GRID2: variants seen among roughly 807,000 people sequenced by gnomAD.
The protein encoded by GRID2 is glutamate ionotropic receptor delta type subunit 2.
A neutral mutation model predicts 114.8 loss-of-function variants in GRID2; 33 were observed. The observed-to-expected ratio is 0.29, with a 90% CI of 0.22 to 0.38. The LOEUF (loss-of-function observed/expected upper bound fraction) is 0.38. Among genes scored for constraint, GRID2 ranks in the 10% least tolerant of loss-of-function variants. GRID2 has a pLI of 1.00. For synonymous variants in GRID2, 505 were observed against 449.9 expected (o/e 1.12, Z -1.55); for missense variants, 1,184 against 1,257.7 (o/e 0.94, Z 0.89).
In GRID2 at chr4:92,939,860, A is replaced by C. The variant is rs1270281954; in HGVS notation, c.245-145135A>C. Among the ~76,000 whole-genome samples the C allele has an allele frequency of 6.8e-5, 10 of 147,184 alleles. 1 individual carries two copies. On this transcript the variant is annotated intron_variant, in intron 2 of 15. Coordinates refer to ENST00000282020, the MANE Select transcript of GRID2 (RefSeq NM_001510.4). ...TTTCTTGTTTTTGTCAGGTTTGTCAAAGATCAGATAGTTGTAGATATGCAG... is the reference window on the plus strand; with the variant it reads ...TTTCTTGTTTTTGTCAGGTTTGTCACAGATCAGATAGTTGTAGATATGCAG...
intron 1 of GRID2, among the ~76,000 whole-genome samples, chr4:92,349,974 C>T (rs1212172043): frequency 6.6e-6 from 1 of 151,864 alleles, no homozygotes; most frequent in African/African-American, 2.4e-5. Context: ...AGCATTCTCC[C>T]TCTTTTTTAT....
intron 2 of GRID2, among the ~76,000 whole-genome samples, chr4:92,907,360 G>A (rs1748033665): frequency 6.6e-6 from 1 of 151,982 alleles, no homozygotes; most frequent in Non-Finnish European, 1.5e-5. Flanking sequence ...TAGGTATTTG[G>A]TACCTCTTAG....
chr4:92,877,248 A>T (rs1745697375), intron 2 of GRID2, among the ~76,000 whole-genome samples: 1 of 152,212 alleles, frequency 6.6e-6, no homozygotes, highest in Non-Finnish European at 1.5e-5. Context: ...CATCTAAGGT[A>T]GGAAATTGCT....
At chr4:92,418,746 C>T (rs1402704227) in intron 1 of GRID2, among the ~76,000 whole-genome samples, 1 of 152,006 alleles carries the variant, frequency 6.6e-6, no homozygotes, top group East Asian at 1.9e-4. Context: ...CTAAAAAGGA[C>T]ATTAGGTTAA....
intron 2 of GRID2, among the ~76,000 whole-genome samples, chr4:92,797,747 A>C (rs1348607253): frequency 2.6e-5 from 4 of 152,002 alleles, no homozygotes; most frequent in Non-Finnish European, 5.9e-5. Context: ...AAATTGTCAC[A>C]AATCTACAAA....
chr4:93,637,249 A>T (rs1037979254), intron 14 of GRID2, among the ~76,000 whole-genome samples: 3 of 152,204 alleles, frequency 2.0e-5, no homozygotes, highest in Admixed American at 6.5e-5. Flanking sequence ...AAGTATCACT[A>T]TAAAGGCCCT....
At chr4:92,455,227 C>G (rs1307835576) in intron 1 of GRID2, among the ~76,000 whole-genome samples, 1 of 152,150 alleles carries the variant, frequency 6.6e-6, no homozygotes, top group Non-Finnish European at 1.5e-5. Context: ...TTTAATGCAT[C>G]TATTGAGCAA....
intron 14 of GRID2, among the ~76,000 whole-genome samples, chr4:93,698,758 A>T (rs551237469): frequency 6.6e-6 from 1 of 152,198 alleles, no homozygotes; most frequent in Non-Finnish European, 1.5e-5. Context: ...TCTTCACCAC[A>T]TTATTTAAGG....
At chr4:92,929,994 T>C (rs1750103130) in intron 2 of GRID2, among the ~76,000 whole-genome samples, 1 of 151,324 alleles carries the variant, frequency 6.6e-6, no homozygotes, top group South Asian at 2.1e-4. Context: ...ATATTTCTGG[T>C]GAAAATATGG....
intron 13 of GRID2, among the ~76,000 whole-genome samples, chr4:93,605,824 G>A (rs1287858337): frequency 1.3e-5 from 2 of 152,194 alleles, no homozygotes; most frequent in African/African-American, 4.8e-5. Context: ...GTGCTAAAAT[G>A]CTGCTTTAGG....
intron 2 of GRID2, among the ~76,000 whole-genome samples, chr4:92,753,057 A>G (rs948913191): frequency 6.6e-6 from 1 of 152,304 alleles, no homozygotes; most frequent in East Asian, 1.9e-4. Context: ...TCAGATTTCT[A>G]TATTTTACTG....
intron 2 of GRID2, among the ~76,000 whole-genome samples, chr4:92,946,320 C>A (rs951233589): frequency 1.3e-5 from 2 of 152,022 alleles, no homozygotes; most frequent in African/African-American, 4.8e-5. Context: ...TATTCCTTAG[C>A]CTACTTTTTC....
chr4:93,281,084 TGATAAGTGCTTTA>T (rs1436932119), intron 8 of GRID2, among the ~76,000 whole-genome samples: 1 of 151,906 alleles, frequency 6.6e-6, no homozygotes, highest in Non-Finnish European at 1.5e-5. Context: ...TATACTATTT[TGATAAGTGCTTTA>T]AAGAAAAATA....
intron 2 of GRID2, among the ~76,000 whole-genome samples, chr4:92,982,812 G>T: frequency 6.6e-6 from 1 of 152,058 alleles, no homozygotes; most frequent in Non-Finnish European, 1.5e-5. Context: ...ATTAAAAGTT[G>T]CAGATTATTT....
intron 1 of GRID2, among the ~76,000 whole-genome samples, chr4:92,484,517 C>T (rs774702040): frequency 1.8e-4 from 27 of 152,136 alleles, no homozygotes; most frequent in Admixed American, 2.0e-4. Flanking sequence ...TGGTTCCAAA[C>T]AGATTCTAAA....
chr4:93,128,584 C>A (rs759752850), intron 4 of GRID2, among the ~76,000 whole-genome samples: 7 of 152,106 alleles, frequency 4.6e-5, no homozygotes, highest in Non-Finnish European at 8.8e-5. Context: ...TCCCATTGGA[C>A]TTGTAGAGAA....
chr4:93,341,417 T>C (rs1865230), intron 8 of GRID2, among the ~76,000 whole-genome samples: 38,361 of 151,804 alleles, frequency 0.25, 8,129 homozygotes, highest in African/African-American at 0.58. Flanking sequence ...CTCCACCTCC[T>C]GGGTACAAGC....
At chr4:93,089,473 A>AT (rs1303350611) in intron 3 of GRID2, among the ~76,000 whole-genome samples, 2 of 152,026 alleles carry the variant, frequency 1.3e-5, no homozygotes, top group Admixed American at 6.6e-5. Flanking sequence ...CAAATAAATC[A>AT]TTTTTTTGTC....
intron 1 of GRID2, among the ~76,000 whole-genome samples, chr4:92,358,445 G>T (rs1400546604): frequency 4.0e-5 from 6 of 151,658 alleles, no homozygotes. Flanking sequence ...CTTGGGAAAA[G>T]AATAAAAAGA....
Sources: allele counts gnomAD v4.1 joint callset (sites outside exome capture counted in the v4.1 genomes callset), GRCh38; gene constraint gnomAD v4.1.1; transcripts MANE v1.5; gene names NCBI Gene and HGNC (gene_info 2026-07-23, HGNC 2026-07-21).